Variants in FOXN3 observed in about 807,000 individuals in gnomAD.
FOXN3 encodes the protein forkhead box protein N3.
In FOXN3, 7 loss-of-function variants were observed where a neutral mutation model predicts 38.4. That is an observed-to-expected ratio of 0.18 (90% CI 0.10 to 0.34). FOXN3 has a LOEUF of 0.34. Among genes scored for constraint, FOXN3 ranks in the 10% least tolerant of loss-of-function variants. The pLI, the probability that FOXN3 is intolerant of heterozygous loss-of-function variation, is 1.00. For missense variants in FOXN3, 456 were observed against 613.4 expected, an observed-to-expected ratio of 0.74 and a Z score of 2.71; for synonymous variants, 230 against 242.2, an observed-to-expected ratio of 0.95 and a Z score of 0.47.
intron 3 of FOXN3, among the ~76,000 whole-genome samples, chr14:89,301,337 G>A (rs1479188325): frequency 6.6e-6 from 1 of 151,450 alleles, no homozygotes; most frequent in Non-Finnish European, 1.5e-5. Context: ...TTAGCCAGGT[G>A]TGGTGGCACG....
chr14:89,349,999 A>T (rs573945310), intron 3 of FOXN3, among the ~76,000 whole-genome samples: 134 of 152,314 alleles, frequency 8.8e-4, no homozygotes, highest in African/African-American at 3.1e-3. Flanking sequence ...GATCTTAAAA[A>T]TTTGGTTCTG....
At chr14:89,306,365 CT>C (rs1333479106) in intron 3 of FOXN3, among the ~76,000 whole-genome samples, 103 of 145,258 alleles carry the variant, frequency 7.1e-4, no homozygotes, top group Non-Finnish European at 6.4e-4. Context: ...CTTTGGTTCT[CT>C]TTTTTTTTTT....
At position 89,296,604 on chromosome 14, in the gene FOXN3, T is replaced by C. The variant is rs117344545; in HGVS notation, c.681-15590A>G. On this transcript the variant is annotated intron_variant, in intron 3 of 5. Transcript: ENST00000557258. ...CATCTCTGAAGCAGCAACTTGGGAC[T>C]TCCCCAGAGGACATCTGCCCAGGGG... 8.5e-5 allele frequency among the ~76,000 whole-genome samples: 13 copies of C among 152,300 alleles called. No homozygotes were observed. The East Asian group carries it at 2.5e-3, about 29-fold the overall frequency.
chr14:89,457,080 A>C (rs1892742070), intron 1 of FOXN3, among the ~76,000 whole-genome samples: 1 of 152,224 alleles, frequency 6.6e-6, no homozygotes, highest in African/African-American at 2.4e-5. Flanking sequence ...GTGTCACACA[A>C]AATCACACAA....
At chr14:89,181,870 C>T (rs150895710) in intron 4 of FOXN3, among the ~76,000 whole-genome samples, 8 of 152,316 alleles carry the variant, frequency 5.3e-5, no homozygotes, top group South Asian at 4.1e-4. Flanking sequence ...AGTGAGAACA[C>T]GGGTGAGCTT....
intron 1 of FOXN3, among the ~76,000 whole-genome samples, chr14:89,604,321 A>C (rs1447294849): frequency 6.6e-6 from 1 of 152,184 alleles, no homozygotes; most frequent in Non-Finnish European, 1.5e-5. Context: ...CAACCAGTGA[A>C]AACAATAGAG....
chr14:89,558,750 A>G (rs1895179441), intron 1 of FOXN3, among the ~76,000 whole-genome samples: 1 of 152,212 alleles, frequency 6.6e-6, no homozygotes, highest in South Asian at 2.1e-4. Flanking sequence ...GGACCCAGCC[A>G]TGCCAGAGGT....
chr14:89,496,535 G>A (rs1489041375), intron 1 of FOXN3, among the ~76,000 whole-genome samples: 1 of 152,088 alleles, frequency 6.6e-6, no homozygotes, highest in Non-Finnish European at 1.5e-5. Context: ...AAGTGAAAGG[G>A]GGATTGGGAG....
At chr14:89,550,735 G>A (rs777550459) in intron 1 of FOXN3, among the ~76,000 whole-genome samples, 2 of 152,286 alleles carry the variant, frequency 1.3e-5, no homozygotes, top group African/African-American at 4.8e-5. Context: ...GTCCTCGGGC[G>A]ACTGCTTCAT....
At chr14:89,329,201 A>G (rs909705564) in intron 3 of FOXN3, among the ~76,000 whole-genome samples, 1 of 152,218 alleles carries the variant, frequency 6.6e-6, no homozygotes, top group Non-Finnish European at 1.5e-5. Flanking sequence ...TAACAGATTC[A>G]TTCTGACATA....
intron 1 of FOXN3, among the ~76,000 whole-genome samples, chr14:89,568,105 A>G (rs890093301): frequency 1.5e-4 from 22 of 151,640 alleles, no homozygotes; most frequent in African/African-American, 5.1e-4. Flanking sequence ...CTGCCCCCCC[A>G]AATTTCTCCC....
Position 89,161,368 on chromosome 14 carries a change from G to T in FOXN3, c.*1046C>A, listed in dbSNP as rs1344235997. On this transcript the variant is annotated 3_prime_UTR_variant, in exon 6 of 6. Transcript: ENST00000557258. ...AAATACACCACAATACTAATGGCAG[G>T]TTCCGTAGCTTTCTAGTTTTTTTTT... 1 of 148,068 alleles carries T rather than the reference G, an allele frequency of 6.8e-6. No homozygotes were observed. Among genetic ancestry groups the T allele is most frequent in the Non-Finnish European group, 1.5e-5 (1 of 67,264 alleles). The allele number at this position is 148,068 out of a possible 1,614,324, so 9.2% of individuals were successfully genotyped here.
At chr14:89,405,131 T>A (rs1891353955) in intron 2 of FOXN3, among the ~76,000 whole-genome samples, 1 of 151,930 alleles carries the variant, frequency 6.6e-6, no homozygotes, top group South Asian at 2.1e-4. Context: ...CTCAGTTTCT[T>A]TTTTTGTTGT....
rs367951280 is a variant in FOXN3, at chr14:89,323,758, A to G, written c.680+26914T>C. ...AACAAACAAAAAACGGAGAGGACCC[A>G]TGGCAGTGACAACATCGATCTAAAG... On this transcript the variant is annotated intron_variant, in intron 3 of 5. Coordinates refer to ENST00000557258, the MANE Select transcript of FOXN3 (RefSeq NM_005197.4). Among the ~76,000 whole-genome samples the G allele has an allele frequency of 1.1e-3, 162 of 149,370 alleles. 1 individual carries two copies. Among genetic ancestry groups the G allele is most frequent in the African/African-American group, 3.8e-3 (155 of 41,068 alleles).
At position 89,224,511 on chromosome 14, in the gene FOXN3, A is replaced by G. The variant is rs1451799339; in HGVS notation, c.746-43705T>C. 2.6e-5 allele frequency among the ~76,000 whole-genome samples: 4 copies of G among 152,202 alleles called. No individual in the cohort carries two copies. In the East Asian group the frequency reaches 5.8e-4, roughly 22 times the overall value. On this transcript the variant is annotated intron_variant, in intron 4 of 5. Coordinates refer to ENST00000557258, the MANE Select transcript of FOXN3 (RefSeq NM_005197.4). ...AATGCTTTGGAACCCTACCTTGCCC[A>G]TATGATGTGATATGTTTTAGTTTTC...
At chr14:89,311,019 T>A (rs1314320414) in intron 3 of FOXN3, among the ~76,000 whole-genome samples, 1 of 149,340 alleles carries the variant, frequency 6.7e-6, no homozygotes, top group East Asian at 2.0e-4. Context: ...GGCAGAAGAA[T>A]CACTTGAACC....
rs1437346366 is a variant in FOXN3 at position 89,156,480 on chromosome 14, T to C, written c.*5934A>G. On this transcript the variant is annotated 3_prime_UTR_variant, in exon 6 of 6. Transcript: ENST00000557258. ...GGTTCTCCCTTTCTATTCATGATAT[T>C]GGCAGTTTCATACAGAAAATACAGA... is the stretch of plus-strand genomic sequence containing the variant. The C allele has an allele frequency of 6.6e-6, 1 of 152,600 alleles. No homozygotes were observed. Among genetic ancestry groups the C allele is most frequent in the Admixed American group, 6.5e-5 (1 of 15,282 alleles). The allele number at this position is 152,600 out of a possible 1,614,324, so 9.5% of individuals were successfully genotyped here.
At chr14:89,466,368 T>C (rs141643592) in intron 1 of FOXN3, among the ~76,000 whole-genome samples, 1 of 152,178 alleles carries the variant, frequency 6.6e-6, no homozygotes, top group South Asian at 2.1e-4. Flanking sequence ...GCTCCACTTA[T>C]TTCTCCTCTT....
At chr14:89,535,771 T>C (rs1361879524) in intron 1 of FOXN3, among the ~76,000 whole-genome samples, 1 of 152,178 alleles carries the variant, frequency 6.6e-6, no homozygotes, top group Non-Finnish European at 1.5e-5. Flanking sequence ...TCCATCTCAT[T>C]ATATTCTCTA....
Sources: gnomAD v4.1 joint callset for allele counts (sites outside exome capture counted in the v4.1 genomes callset) on GRCh38, gnomAD v4.1.1 for gene constraint, MANE v1.5 for transcripts, NCBI Gene and HGNC (gene_info 2026-07-23, HGNC 2026-07-21) for gene names.